TRIM5: variants seen among roughly 807,000 people sequenced by gnomAD.
TRIM5 encodes tripartite motif containing 5.
TRIM5 carries 31 observed loss-of-function variants against 35.6 expected under a neutral mutation model. That is an observed-to-expected ratio of 0.87 (90% CI 0.65 to 1.18). The LOEUF is 1.18. Ranked by LOEUF, TRIM5 falls within the 50% of genes most tolerant of loss-of-function variation. TRIM5 has a pLI of 0.00. For synonymous variants in TRIM5, 243 were observed against 215.6 expected (o/e 1.13, Z -1.11); for missense variants, 609 against 591.6 (o/e 1.03, Z -0.31).
chr11:5,670,277 A>G (rs1049459805), intron 4 of TRIM5, among the ~76,000 whole-genome samples: 2 of 138,308 alleles, frequency 1.4e-5, no homozygotes, highest in Admixed American at 8.3e-5. Flanking sequence ...TCCTGGGTTC[A>G]TGCCATTCTC....
the TRIM5 span, among the ~76,000 whole-genome samples, chr11:5,650,773 C>T: frequency 1.3e-5 from 2 of 152,240 alleles, no homozygotes; most frequent in African/African-American, 2.4e-5. Flanking sequence ...ATAGTAACTT[C>T]GTGGTCCATA....
chr11:5,655,729 G>A, the TRIM5 span: 46 of 979,184 alleles, frequency 4.7e-5, no homozygotes, highest in South Asian at 5.7e-4. Flanking sequence ...ATAGATAACC[G>A]GGCACAAAAG....
intron 4 of TRIM5, among the ~76,000 whole-genome samples, chr11:5,676,460 T>C (rs1453123929): frequency 2.6e-5 from 4 of 152,046 alleles, no homozygotes; most frequent in Non-Finnish European, 4.4e-5. Context: ...TAAAAGAGGA[T>C]ACAAACAAAT....
the TRIM5 span, chr11:5,642,375 G>T: frequency 1.3e-6 from 2 of 1,596,144 alleles, no homozygotes; most frequent in Admixed American, 3.4e-5. Flanking sequence ...GATGAGAGAT[G>T]TGGGGGTCAA....
At chr11:5,610,991 C>A in the TRIM5 span, 4 of 1,614,148 alleles carry the variant, frequency 2.5e-6, no homozygotes, top group Non-Finnish European at 3.4e-6. Context: ...TGGGGGTATG[C>A]AGCAATTCAC....
the TRIM5 span, chr11:5,608,504 T>C: frequency 6.7e-7 from 1 of 1,489,642 alleles, no homozygotes; most frequent in Non-Finnish European, 9.1e-7. Context: ...TTCAAGAGAG[T>C]AGTCTTGAAT....
chr11:5,634,626 T>C, the TRIM5 span: 4 of 1,608,786 alleles, frequency 2.5e-6, no homozygotes, highest in Non-Finnish European at 3.4e-6. Flanking sequence ...TGTCCATCCT[T>C]GCAGTATCAG....
At chr11:5,671,992 T>C (rs1185675976) in intron 4 of TRIM5, among the ~76,000 whole-genome samples, 3 of 151,916 alleles carry the variant, frequency 2.0e-5, no homozygotes, top group African/African-American at 7.3e-5. Context: ...AATTAATCAT[T>C]ACATAAGGAA....
At chr11:5,669,015 TCATTGTCCTAAAAACTA>T (rs1851354298) in intron 4 of TRIM5, among the ~76,000 whole-genome samples, 1 of 151,960 alleles carries the variant, frequency 6.6e-6, no homozygotes, top group South Asian at 2.1e-4. Flanking sequence ...ATCTACTCAG[TCATTGTCCTAAAAACTA>T]CATTTACTCT....
the TRIM5 span, chr11:5,641,327 G>C: frequency 6.5e-7 from 1 of 1,536,334 alleles, no homozygotes; most frequent in South Asian, 1.2e-5. Context: ...TTAAATTGCT[G>C]GTCCCCGATG....
chr11:5,679,325 C>A (rs1434611931), intron 2 of TRIM5, among the ~76,000 whole-genome samples, 156 bp from the exon 3 acceptor site: 1 of 152,228 alleles, frequency 6.6e-6, no homozygotes, highest in Admixed American at 6.5e-5. Flanking sequence ...AGAAAACTTA[C>A]ATTGGTGAAT....
the TRIM5 span, among the ~76,000 whole-genome samples, chr11:5,627,992 T>C: frequency 6.6e-6 from 1 of 152,220 alleles, no homozygotes; most frequent in South Asian, 2.1e-4. Context: ...CTGGCAGCTA[T>C]GGTAACCAGG....
the TRIM5 span, among the ~76,000 whole-genome samples, chr11:5,646,722 T>C: frequency 6.6e-6 from 1 of 152,154 alleles, no homozygotes; most frequent in Non-Finnish European, 1.5e-5. Context: ...CCCACTGATG[T>C]ACTTGAACTC....
At chr11:5,639,270 G>T in the TRIM5 span, among the ~76,000 whole-genome samples, 2 of 152,106 alleles carry the variant, frequency 1.3e-5, no homozygotes, top group African/African-American at 2.4e-5. Context: ...GAAACTGATT[G>T]TTCTGGTTGC....
chr11:5,665,693 A>G lies in TRIM5; in HGVS notation c.869-11T>C. On this transcript the variant is annotated splice_polypyrimidine_tract_variant and intron_variant, in intron 6 of 7. Transcript: ENST00000380034. ...GGACATCTGTCAGCTCTGAAATGAT[A>G]AAAATGCACAATATTGAATACAAAC... The G allele has an allele frequency of 6.6e-7, 1 of 1,508,586 alleles. No individual in the cohort carries two copies. 93.5% of individuals were successfully genotyped at this position (1,508,586 alleles called of 1,614,324 possible).
chr11:5,651,255 A>C, the TRIM5 span, among the ~76,000 whole-genome samples: 2 of 152,154 alleles, frequency 1.3e-5, no homozygotes, highest in Admixed American at 1.3e-4. Flanking sequence ...GCAGTTTTTT[A>C]ATTAATTTAG....
chr11:5,657,921 C>T, the TRIM5 span, among the ~76,000 whole-genome samples: 1 of 150,942 alleles, frequency 6.6e-6, no homozygotes, highest in Non-Finnish European at 1.5e-5. Flanking sequence ...TGGCAAAATC[C>T]TTTTATTTAG....
At chr11:5,608,084 A>C in the TRIM5 span, among the ~76,000 whole-genome samples, 16,404 of 152,202 alleles carry the variant, frequency 0.11, 1,479 homozygotes, top group African/African-American at 0.23. Flanking sequence ...GGCCAGGCAC[A>C]ATGCCTGACA....
chr11:5,634,530 C>CACATATATATATATATATATAT, the TRIM5 span: 24 of 203,890 alleles, frequency 1.2e-4, no homozygotes, highest in African/African-American at 8.3e-4. Context: ...CACACACACA[C>CACATATATATATATATATATAT]ATATATATAT....
Sources: gnomAD v4.1 joint callset for allele counts (sites outside exome capture counted in the v4.1 genomes callset) on GRCh38, gnomAD v4.1.1 for gene constraint, MANE v1.5 for transcripts, NCBI Gene and HGNC (gene_info 2026-07-23, HGNC 2026-07-21) for gene names.